IGSF11: variants seen among roughly 807,000 people sequenced by gnomAD.
IGSF11 encodes immunoglobulin superfamily member 11.
Under a neutral mutation model 41.0 loss-of-function variants are expected in IGSF11, and 22 were observed. The ratio of observed to expected loss-of-function variants is 0.54; its 90% CI spans 0.38 to 0.77. The LOEUF (loss-of-function observed/expected upper bound fraction) is 0.77, where lower values mean the gene tolerates loss of function less well. IGSF11 is among the 30% of genes least tolerant of loss of function. The pLI is 0.00. For synonymous variants in IGSF11, 219 were observed against 201.3 expected (o/e 1.09, Z -0.74); for missense variants, 444 against 530.8 (o/e 0.84, Z 1.61).
chr3:119,069,567 G>A (rs1227008993), intron 1 of IGSF11, among the ~76,000 whole-genome samples: 1 of 152,118 alleles, frequency 6.6e-6, no homozygotes, highest in Admixed American at 6.5e-5. Flanking sequence ...TACCCTCCAC[G>A]ATATCCTGCA....
intron 4 of IGSF11, among the ~76,000 whole-genome samples, chr3:118,917,062 G>A (rs918486673): frequency 9.9e-5 from 15 of 152,116 alleles, no homozygotes; most frequent in African/African-American, 3.6e-4. Context: ...AAACCAATGA[G>A]AACAAAGACA....
intron 1 of IGSF11, among the ~76,000 whole-genome samples, chr3:118,950,524 T>C (rs777499146): frequency 2.4e-4 from 37 of 152,110 alleles, no homozygotes; most frequent in Non-Finnish European, 4.4e-4. Flanking sequence ...CTCACTGATG[T>C]ATTTCTCCTA....
chr3:119,137,655 C>A (rs1424554062), intron 1 of IGSF11, among the ~76,000 whole-genome samples: 2 of 152,050 alleles, frequency 1.3e-5, no homozygotes, highest in Admixed American at 6.6e-5. Flanking sequence ...TTGGGCTGAG[C>A]AGAGTTCTTA....
At chr3:118,960,289 T>G (rs1305792332) in intron 1 of IGSF11, among the ~76,000 whole-genome samples, 1 of 152,178 alleles carries the variant, frequency 6.6e-6, no homozygotes, top group Non-Finnish European at 1.5e-5. Context: ...ATGGCATTAC[T>G]TAAGATGGTG....
chr3:118,946,858 T>C (rs999977711), intron 1 of IGSF11, among the ~76,000 whole-genome samples: 3 of 152,224 alleles, frequency 2.0e-5, no homozygotes, highest in Admixed American at 6.5e-5. Flanking sequence ...ACGCCTGTAA[T>C]CCCAGCACTT....
intron 1 of IGSF11, among the ~76,000 whole-genome samples, chr3:118,959,908 G>C (rs1945221560): frequency 6.6e-6 from 1 of 152,252 alleles, no homozygotes; most frequent in East Asian, 1.9e-4. Flanking sequence ...AGCTGGGCGT[G>C]GTGGCGGGCG....
intron 1 of IGSF11, among the ~76,000 whole-genome samples, chr3:118,959,486 G>A (rs1042495913): frequency 6.6e-6 from 1 of 152,128 alleles, no homozygotes; most frequent in Non-Finnish European, 1.5e-5. Context: ...TATTCATGAT[G>A]GAATAATAGG....
At chr3:119,029,145 T>C (rs939897711) in intron 1 of IGSF11, among the ~76,000 whole-genome samples, 2 of 147,328 alleles carry the variant, frequency 1.4e-5, no homozygotes, top group African/African-American at 5.0e-5. Flanking sequence ...CCCAGCATGG[T>C]AGACATGGTA....
intron 2 of IGSF11, 83 bp downstream of exon 2, chr3:118,930,027 CAA>C (rs1034375961): frequency 7.3e-7 from 1 of 1,377,844 alleles, no homozygotes; most frequent in African/African-American, 1.5e-5. Context: ...TTCTCGAAAC[CAA>C]AGATGTACTC....
intron 1 of IGSF11, among the ~76,000 whole-genome samples, chr3:119,047,646 C>G (rs143617465): frequency 6.6e-6 from 1 of 152,062 alleles, no homozygotes; most frequent in Non-Finnish European, 1.5e-5. Context: ...ACCAAGAGGA[C>G]GTAATAGACA....
At chr3:119,077,477 A>G (rs1339043218) in intron 1 of IGSF11, among the ~76,000 whole-genome samples, 1 of 152,192 alleles carries the variant, frequency 6.6e-6, no homozygotes, top group Non-Finnish European at 1.5e-5. Context: ...AATTTAAAAT[A>G]AAATTTAAAA....
At chr3:118,975,140 C>G (rs995894087) in intron 1 of IGSF11, among the ~76,000 whole-genome samples, 1 of 152,170 alleles carries the variant, frequency 6.6e-6, no homozygotes, top group African/African-American at 2.4e-5. Flanking sequence ...AGATTATATT[C>G]TGGAGAAGAA....
At chr3:118,921,918 C>A (rs993016719) in intron 4 of IGSF11, among the ~76,000 whole-genome samples, 6 of 151,622 alleles carry the variant, frequency 4.0e-5, no homozygotes, top group Non-Finnish European at 5.9e-5. Flanking sequence ...ATCATGATGC[C>A]CAACTTATTC....
intron 1 of IGSF11, among the ~76,000 whole-genome samples, chr3:119,056,231 T>A (rs1254886519): frequency 5.3e-5 from 8 of 152,006 alleles, no homozygotes; most frequent in East Asian, 1.9e-4. Context: ...CTAGCAAGAC[T>A]AATACAGAAG....
chr3:118,921,769 T>C (rs1366492150), intron 4 of IGSF11, among the ~76,000 whole-genome samples: 1 of 152,108 alleles, frequency 6.6e-6, no homozygotes. Context: ...GTGATATGTA[T>C]AACTTGGACA....
At chr3:119,000,999 TCTGA>T (rs929824933) in intron 1 of IGSF11, among the ~76,000 whole-genome samples, 5 of 152,284 alleles carry the variant, frequency 3.3e-5, no homozygotes, top group African/African-American at 4.8e-5. Flanking sequence ...CCTTGCCTAT[TCTGA>T]CTGTTTCTCC....
At chr3:119,044,566 G>C (rs970278043) in intron 1 of IGSF11, among the ~76,000 whole-genome samples, 2 of 152,118 alleles carry the variant, frequency 1.3e-5, no homozygotes, top group Non-Finnish European at 2.9e-5. Flanking sequence ...AGGAACACCT[G>C]GTAAGTTCAT....
intron 1 of IGSF11, among the ~76,000 whole-genome samples, chr3:119,126,775 AG>A (rs1315639395): frequency 2.6e-5 from 4 of 152,166 alleles, no homozygotes; most frequent in African/African-American, 7.2e-5. Context: ...GCAGCCCTAA[AG>A]AAGAGGGACC....
At chr3:119,130,570 G>C (rs906889818) in intron 1 of IGSF11, among the ~76,000 whole-genome samples, 2 of 152,220 alleles carry the variant, frequency 1.3e-5, no homozygotes, top group Non-Finnish European at 2.9e-5. Context: ...GAACTGGGCA[G>C]AACCCACCAC....
Sources: allele counts gnomAD v4.1 joint callset (sites outside exome capture counted in the v4.1 genomes callset), GRCh38; gene constraint gnomAD v4.1.1; transcripts MANE v1.5; gene names NCBI Gene and HGNC (gene_info 2026-07-23, HGNC 2026-07-21).